YIPF5: variants seen among roughly 807,000 people sequenced by gnomAD.
The protein encoded by YIPF5 is Yip1 domain family member 5.
YIPF5 carries 8 observed loss-of-function variants against 30.4 expected under a neutral mutation model. The ratio of observed to expected loss-of-function variants is 0.26; its 90% CI spans 0.15 to 0.47. YIPF5 has a LOEUF of 0.47. Ranked by LOEUF, YIPF5 falls within the 20% of genes least tolerant of loss-of-function variation. YIPF5 has a pLI of 0.99. For synonymous variants in YIPF5, 104 were observed against 107.9 expected, an observed-to-expected ratio of 0.96 and a Z score of 0.23; for missense variants, 282 against 301.8, an observed-to-expected ratio of 0.93 and a Z score of 0.49.
chr5:144,162,465 G>GA, intron 4 of YIPF5, 66 bp from the exon 5 acceptor site: 1 of 1,388,644 alleles, frequency 7.2e-7, no homozygotes, highest in Non-Finnish European at 9.9e-7. Context: ...TATTTCACCT[G>GA]AATCAGTACA....
chr5:144,161,834 G>C (rs1752056465), intron 5 of YIPF5, among the ~76,000 whole-genome samples: 1 of 152,068 alleles, frequency 6.6e-6, no homozygotes, highest in African/African-American at 2.4e-5. Flanking sequence ...CGTACATTTG[G>C]CATATGTCCA....
At position 144,169,831 on chromosome 5, in the gene YIPF5, A is replaced by G. The variant is rs1314739770; in HGVS notation, c.110+15T>C. The G allele has an allele frequency of 6.9e-6, 11 of 1,604,776 alleles. No homozygotes were observed. In the South Asian group the frequency reaches 1.2e-4, roughly 18 times the overall value. On this transcript the variant is annotated intron_variant, in intron 2 of 5. Coordinates refer to ENST00000274496, the MANE Select transcript of YIPF5 (RefSeq NM_030799.9). ...GCAATGTAGACTAAATTAATTGCCA[A>G]AGATGAAAAGTTACTTGCTATAGGG...
chr5:144,163,951 G>T, intron 4 of YIPF5, 160 bp downstream of exon 4: 1 of 611,752 alleles, frequency 1.6e-6, no homozygotes, highest in East Asian at 3.2e-5. Flanking sequence ...TATAGATGGA[G>T]AACTAATGAA....
intron 4 of YIPF5, among the ~76,000 whole-genome samples, chr5:144,163,602 A>G (rs1475214311): frequency 2.6e-5 from 4 of 152,192 alleles, no homozygotes; most frequent in Non-Finnish European, 5.9e-5. Flanking sequence ...GAGACATAAG[A>G]TAAAATAAAT....
chr5:144,158,444 A>G lies in YIPF5; in HGVS notation c.*1953T>C, dbSNP rs554946962. On this transcript the variant is annotated 3_prime_UTR_variant, in exon 6 of 6. Transcript: ENST00000274496. ...TTGAGGATAGGGTAAACAACAAAAA[A>G]GAAAATAATTTGATCCATATGTGAT... is the stretch of plus-strand genomic sequence containing the variant. The G allele has an allele frequency of 6.7e-5, 85 of 1,276,656 alleles. No individual in the cohort carries two copies. The South Asian group carries it at 9.0e-4, about 14-fold the overall frequency. 79.1% of individuals were successfully genotyped at this position (1,276,656 alleles called of 1,614,324 possible).
intron 5 of YIPF5, 133 bp downstream of exon 5, chr5:144,162,085 G>T: frequency 2.2e-6 from 2 of 892,708 alleles, no homozygotes; most frequent in Non-Finnish European, 3.4e-6. Flanking sequence ...GAAACCATTT[G>T]GCACTGTCCC....
In YIPF5 at chr5:144,158,776, T is replaced by C. The variant is rs1223546349; in HGVS notation, c.*1621A>G. 7.1e-6 allele frequency: 7 copies of C among 991,288 alleles called. No homozygotes were observed. The highest frequency in any genetic ancestry group is 8.4e-6 in the Non-Finnish European group (7 of 833,894). 61.4% of individuals were successfully genotyped at this position (991,288 alleles called of 1,614,324 possible). On this transcript the variant is annotated 3_prime_UTR_variant, in exon 6 of 6. Transcript: ENST00000274496. ...ATGACAAGTGGGTTTCTCCAGACGATTAATGAAGAAAAACATACTTATGTG... is the reference window on the plus strand; with the variant it reads ...ATGACAAGTGGGTTTCTCCAGACGACTAATGAAGAAAAACATACTTATGTG...
Position 144,159,538 on chromosome 5 carries a change from G to A in YIPF5, c.*859C>T. 1.0e-6 allele frequency: 1 copy of A among 985,272 alleles called. No individual in the cohort carries two copies. The highest frequency in any genetic ancestry group is 1.2e-6 in the Non-Finnish European group (1 of 829,908). 61.0% of individuals were successfully genotyped at this position (985,272 alleles called of 1,614,324 possible). ...GAACTTCCCGTATCTCTGAATTTTA[G>A]CAAAAATTCCATGAGATAATTTACA... On this transcript the variant is annotated 3_prime_UTR_variant, in exon 6 of 6. Coordinates refer to ENST00000274496, the MANE Select transcript of YIPF5 (RefSeq NM_030799.9).
chr5:144,169,053 CAA>C (rs1414716031), intron 2 of YIPF5, among the ~76,000 whole-genome samples: 1 of 152,114 alleles, frequency 6.6e-6, no homozygotes, highest in African/African-American at 2.4e-5. Context: ...ATAGGATTCT[CAA>C]AGAGATCCAG....
Position 144,159,835 on chromosome 5 carries a change from T to G in YIPF5, c.*562A>C, listed in dbSNP as rs576401961. On this transcript the variant is annotated 3_prime_UTR_variant, in exon 6 of 6. Transcript: ENST00000274496. The stretch of plus-strand genomic sequence containing the variant: ...ACTTCTCCTGCCTCAGCCTCCTGAG[T>G]AGCTGGGACTACAGGCGCCCGCCAC... 1.3e-3 allele frequency: 681 copies of G among 540,494 alleles called. 7 individuals are homozygous for G. In the African/African-American group the frequency reaches 0.013, roughly 10 times the overall value. 33.5% of individuals were successfully genotyped at this position (540,494 alleles called of 1,614,324 possible).
chr5:144,162,484 A>G, intron 4 of YIPF5, 85 bp from the exon 5 acceptor site: 1 of 1,217,122 alleles, frequency 8.2e-7, no homozygotes, highest in Non-Finnish European at 1.2e-6. Context: ...CATGTAGCAA[A>G]TAATTTATGA....
intron 5 of YIPF5, among the ~76,000 whole-genome samples, chr5:144,161,878 T>C (rs1752057947): frequency 6.6e-6 from 1 of 152,140 alleles, no homozygotes; most frequent in Non-Finnish European, 1.5e-5. Flanking sequence ...ATCTAGAAAA[T>C]ATCAAAGAGG....
intron 4 of YIPF5, among the ~76,000 whole-genome samples, chr5:144,163,157 A>G (rs1752098741): frequency 6.6e-6 from 1 of 152,346 alleles, no homozygotes; most frequent in East Asian, 1.9e-4. Flanking sequence ...ACCAGTTTAC[A>G]GAAAAGCCTC....
chr5:144,164,216 T>C lies in YIPF5; in HGVS notation c.324A>G (p.Leu108=), dbSNP rs1270005584. The change falls in exon 4 of 6, where the codon CTA becomes CTG. Residue 108 remains leucine (L), a synonymous_variant. Coordinates refer to ENST00000274496, the MANE Select transcript of YIPF5 (RefSeq NM_030799.9). ...INFDHIWQKT[L]TVLHPLKVAD... The stretch of plus-strand genomic sequence containing the variant: ...CTACTTTTAACGGATGTAATACTGT[T>C]AGTGTTTTTTGCCAGATGTGGTCAA... 11 of 1,612,378 alleles carry C rather than the reference T, an allele frequency of 6.8e-6. No homozygotes were observed. The highest frequency in any genetic ancestry group is 8.5e-6 in the Non-Finnish European group (10 of 1,179,216).
chr5:144,167,527 T>TA (rs1180976025), intron 2 of YIPF5, among the ~76,000 whole-genome samples: 7 of 152,296 alleles, frequency 4.6e-5, no homozygotes, highest in Admixed American at 2.0e-4. Context: ...TTTCATAATT[T>TA]AAAAAATGTG....
At position 144,160,390 on chromosome 5, in the gene YIPF5, T is replaced by C; in HGVS notation, c.*7A>G. On this transcript the variant is annotated 3_prime_UTR_variant, in exon 6 of 6. Coordinates refer to ENST00000274496, the MANE Select transcript of YIPF5 (RefSeq NM_030799.9). The stretch of plus-strand genomic sequence containing the variant: ...GGCCCACTGATGTCCACATCCCAGA[T>C]AAATTTTCAAAAGACGGAAATCAGG... The C allele has an allele frequency of 6.2e-7, 1 of 1,611,292 alleles. No homozygotes were observed.
Position 144,159,943 on chromosome 5 carries a change from T to C in YIPF5, c.*454A>G, listed in dbSNP as rs1308511819. ...CAGGATGGTCTCGATCTCCTGCCCT[T>C]GTGATCCGCCCGCCTCGGCCTCCCA... On this transcript the variant is annotated 3_prime_UTR_variant, in exon 6 of 6. Coordinates refer to ENST00000274496, the MANE Select transcript of YIPF5 (RefSeq NM_030799.9). 14 of 905,840 alleles carry C rather than the reference T, an allele frequency of 1.5e-5. No individual in the cohort carries two copies. The African/African-American group carries it at 1.8e-4, about 12-fold the overall frequency. The allele number at this position is 905,840 out of a possible 1,614,324, so 56.1% of individuals were successfully genotyped here. A position where few individuals can be genotyped will look rare whatever the true frequency, so the allele number is the denominator to read the frequency against.
chr5:144,163,177 T>C lies in YIPF5; in HGVS notation c.430-778A>G, dbSNP rs191784657. ...TTTACAGAAAAGCCTCCAAAAATTA[T>C]TGATTTATCCAATTTTTGTCACATA... On this transcript the variant is annotated intron_variant, in intron 4 of 5. Coordinates refer to ENST00000274496, the MANE Select transcript of YIPF5 (RefSeq NM_030799.9). Among the ~76,000 whole-genome samples, 489 of 152,294 alleles carry C rather than the reference T, an allele frequency of 3.2e-3. 1 individual carries two copies. The highest frequency in any genetic ancestry group is 3.8e-3 in the Non-Finnish European group (261 of 68,020).
chr5:144,158,710 A>G lies in YIPF5; in HGVS notation c.*1687T>C, dbSNP rs1751939485. 4 of 1,017,852 alleles carry G rather than the reference A, an allele frequency of 3.9e-6. No homozygotes were observed. The highest frequency in any genetic ancestry group is 4.7e-6 in the Non-Finnish European group (4 of 851,746). The allele number at this position is 1,017,852 out of a possible 1,614,324, so 63.1% of individuals were successfully genotyped here. On this transcript the variant is annotated 3_prime_UTR_variant, in exon 6 of 6. Transcript: ENST00000274496. ...ATTACCTTCCAAATTGCTTTTTTAAAGCAATTTGGTAAGTTTGAAAACCTA... is the reference window on the plus strand; with the variant it reads ...ATTACCTTCCAAATTGCTTTTTTAAGGCAATTTGGTAAGTTTGAAAACCTA...
Sources: gnomAD v4.1 joint callset for allele counts (sites outside exome capture counted in the v4.1 genomes callset) on GRCh38, gnomAD v4.1.1 for gene constraint, MANE v1.5 for transcripts, NCBI Gene and HGNC (gene_info 2026-07-23, HGNC 2026-07-21) for gene names.